Variants in ING4 observed in about 807,000 individuals in gnomAD.
ING4 encodes the protein inhibitor of growth protein 4.
In ING4, 28 loss-of-function variants were observed where a neutral mutation model predicts 33.1. The ratio of observed to expected loss-of-function variants is 0.85; its 90% CI spans 0.63 to 1.16. The LOEUF is 1.16. Among genes scored for constraint, ING4 ranks in the 50% most tolerant of loss-of-function variants. ING4 has a pLI of 0.00. For missense variants in ING4, 247 were observed against 314.7 expected, an observed-to-expected ratio of 0.78 and a Z score of 1.63; for synonymous variants, 87 against 104.4, an observed-to-expected ratio of 0.83 and a Z score of 1.02.
intron 2 of ING4, among the ~76,000 whole-genome samples, chr12:6,655,246 A>G (rs1367758236): frequency 6.6e-6 from 1 of 150,610 alleles, no homozygotes; most frequent in Non-Finnish European, 1.5e-5. Context: ...GTTTCACCAT[A>G]TGGGCCAGGC....
In ING4 at chr12:6,651,945, T is replaced by A. The variant is rs1288003515; in HGVS notation, c.645+326A>T. On this transcript the variant is annotated intron_variant, in intron 6 of 7. Transcript: ENST00000341550. ...TCAGCTCACTGCAACCTCTGCCTCCTAGGTTCAAGCAATTCTCCTGCCTCT... is the reference window on the plus strand; with the variant it reads ...TCAGCTCACTGCAACCTCTGCCTCCAAGGTTCAAGCAATTCTCCTGCCTCT... Among the ~76,000 whole-genome samples the A allele has an allele frequency of 8.7e-5, 13 of 148,664 alleles. No individual in the cohort carries two copies. The Admixed American group carries it at 8.9e-4, about 10-fold the overall frequency.
At chr12:6,656,624 C>G in intron 2 of ING4, 103 bp downstream of exon 2, 1 of 711,438 alleles carries the variant, frequency 1.4e-6, no homozygotes, top group South Asian at 1.7e-5. Flanking sequence ...GCGAGAGAAG[C>G]CACAGTTCTC....
intron 1 of ING4, among the ~76,000 whole-genome samples, 192 bp from the exon 2 acceptor site, chr12:6,656,990 T>C (rs937078776): frequency 6.6e-6 from 1 of 151,668 alleles, no homozygotes; most frequent in Non-Finnish European, 1.5e-5. Flanking sequence ...TCCATCTCTA[T>C]TAAAAATATG....
At chr12:6,655,482 C>T (rs567062686) in intron 2 of ING4, among the ~76,000 whole-genome samples, 4 of 152,316 alleles carry the variant, frequency 2.6e-5, no homozygotes, top group African/African-American at 9.6e-5. Context: ...CAACAGATAA[C>T]CAGGAGGATC....
At position 6,652,671 on chromosome 12, in the gene ING4, A is replaced by C; in HGVS notation, c.488T>G (p.Leu163Arg). The change falls in exon 5 of 8, where the codon CTC becomes CGC. Residue 163 changes from leucine (L) to arginine (R), a missense_variant. This residue lies in a region of ING4 where 198 missense variants were observed against 221.2 expected (regional missense o/e 0.89). Transcript: ENST00000341550. ...TCCCTGAATCACTCACGTGCGCACGAGCTTTAACTTCTTCTGGGCAGTCTT... is the reference window on the plus strand; with the variant it reads ...TCCCTGAATCACTCACGTGCGCACGCGCTTTAACTTCTTCTGGGCAGTCTT... ...APKTAQKKLK[L>R]VRTSPEYGMP... The C allele has an allele frequency of 6.2e-7, 1 of 1,613,892 alleles. No homozygotes were observed.
At chr12:6,662,060 TC>T (rs1376074237) in intron 1 of ING4, among the ~76,000 whole-genome samples, 1 of 152,198 alleles carries the variant, frequency 6.6e-6, no homozygotes, top group African/African-American at 2.4e-5. Context: ...TACCTTAGAT[TC>T]ATAAATATCA....
intron 3 of ING4, 57 bp from the exon 4 acceptor site, chr12:6,653,107 T>C (rs1310223409): frequency 5.0e-6 from 8 of 1,600,104 alleles, no homozygotes; most frequent in African/African-American, 1.3e-5. Flanking sequence ...TTAAAGAAAA[T>C]AGGTTAAGGC....
At chr12:6,657,102 C>G (rs575402385) in intron 1 of ING4, among the ~76,000 whole-genome samples, 1 of 151,430 alleles carries the variant, frequency 6.6e-6, no homozygotes, top group Non-Finnish European at 1.5e-5. Flanking sequence ...TGCAGTGAGC[C>G]GTGATTGAGC....
At chr12:6,657,145 C>T (rs1400925418) in intron 1 of ING4, among the ~76,000 whole-genome samples, 1 of 150,072 alleles carries the variant, frequency 6.7e-6, no homozygotes, top group Non-Finnish European at 1.5e-5. Flanking sequence ...TAGAGCAAGT[C>T]CCTGTCTCAA....
rs77283008 is a variant in ING4 at position 6,652,271 on chromosome 12, A to G, written c.645T>C (p.Asp215=). The G allele has an allele frequency of 4.0e-4, 643 of 1,613,804 alleles. 2 individuals are homozygous for G. The African/African-American group carries it at 6.9e-3, about 17-fold the overall frequency. Residue 215 remains aspartate (D), a splice_region_variant and synonymous_variant, in exon 6 of 8, where the codon GAT becomes GAC. Transcript: ENST00000341550. ...CATCCTAAGGCAAAATGTTTCTCAC[A>G]TCAGGGTTGTCACAGCCAATCATCT... ...YGEMIGCDNP[D]CSIEWFHFAC...
chr12:6,655,713 G>A, intron 2 of ING4: 1 of 603,572 alleles, frequency 1.7e-6, no homozygotes, highest in Non-Finnish European at 2.4e-6. Context: ...TAAACTCAGA[G>A]TAACTTAAGA....
chr12:6,659,640 G>A (rs1278264614), intron 1 of ING4, among the ~76,000 whole-genome samples: 2 of 151,852 alleles, frequency 1.3e-5, no homozygotes, highest in East Asian at 1.9e-4. Context: ...GTGAAACCCC[G>A]TCTCTACTAA....
intron 5 of ING4, 117 bp downstream of exon 5, chr12:6,652,545 A>G: frequency 5.1e-6 from 7 of 1,371,600 alleles, no homozygotes; most frequent in Middle Eastern, 1.9e-4. Flanking sequence ...TACCAAAATG[A>G]TAAGAAGAGT....
intron 2 of ING4, 31 bp downstream of exon 2, chr12:6,656,696 T>G (rs755649007): frequency 2.0e-5 from 25 of 1,251,816 alleles, no homozygotes; most frequent in Non-Finnish European, 2.7e-5. Flanking sequence ...ACACACTCAT[T>G]AGATACAAAA....
chr12:6,660,348 C>A (rs1363887913), intron 1 of ING4, among the ~76,000 whole-genome samples: 2 of 152,042 alleles, frequency 1.3e-5, no homozygotes, highest in African/African-American at 4.8e-5. Flanking sequence ...GTGGCTCATG[C>A]CTGTAATCCC....
In ING4 at chr12:6,653,096, A is replaced by C. The variant is rs368139819; in HGVS notation, c.277-46T>G. ...AAGGAGAGGTACAAAACTATCTCCA[A>C]TTAAAGAAAATAGGTTAAGGCAGAG... On this transcript the variant is annotated intron_variant, in intron 3 of 7. Coordinates refer to ENST00000341550, the MANE Select transcript of ING4 (RefSeq NM_016162.4). 3 of 1,600,308 alleles carry C rather than the reference A, an allele frequency of 1.9e-6. No homozygotes were observed. The East Asian group carries it at 6.7e-5, about 36-fold the overall frequency.
intron 2 of ING4, among the ~76,000 whole-genome samples, chr12:6,656,278 C>T (rs1357267333): frequency 3.3e-5 from 5 of 151,580 alleles, no homozygotes; most frequent in East Asian, 3.9e-4. Context: ...CAGGTTCAAA[C>T]GATTCTCACG....
At position 6,663,075 on chromosome 12, in the gene ING4, A is replaced by G. The variant is rs143202414; in HGVS notation, c.27T>C (p.His9=). Residue 9 remains histidine (H), a synonymous_variant, in exon 1 of 8, where the codon CAT becomes CAC. Transcript: ENST00000341550. Reference sequence around the variant, plus strand: ...CCAGCCTGCTCTTACTGTCCAGATAATGTTCCAAATACATCCCCGCAGCCA... The same window carrying G: ...CCAGCCTGCTCTTACTGTCCAGATAGTGTTCCAAATACATCCCCGCAGCCA... The part of the protein sequence containing the change: MAAGMYLE[H]YLDSIENLPF... The G allele has an allele frequency of 7.0e-5, 113 of 1,613,996 alleles. No homozygotes were observed. The highest frequency in any genetic ancestry group is 9.2e-5 in the Non-Finnish European group (108 of 1,180,024).
chr12:6,658,730 C>T (rs1949451637), intron 1 of ING4, among the ~76,000 whole-genome samples: 1 of 152,052 alleles, frequency 6.6e-6, no homozygotes, highest in African/African-American at 2.4e-5. Flanking sequence ...AAAATGCAAA[C>T]CTAATCAAGT....
Sources: gnomAD v4.1 joint callset for allele counts (sites outside exome capture counted in the v4.1 genomes callset) on GRCh38, gnomAD v4.1.1 for gene constraint, gnomAD v4.1.1 regional missense constraint, MANE v1.5 for transcripts, NCBI Gene and HGNC (gene_info 2026-07-23, HGNC 2026-07-21) for gene names.